The following ANKRD17 variants were observed in gnomAD, a reference collection of about 807,000 sequenced individuals.
ANKRD17 encodes ankyrin repeat domain 17, also known as ankyrin repeat domain-containing protein 17.
Under a neutral mutation model 229.7 loss-of-function variants are expected in ANKRD17, and 19 were observed. That is an observed-to-expected ratio of 0.08 (90% CI 0.06 to 0.12). The LOEUF is 0.12. Among genes scored for constraint, ANKRD17 ranks in the 10% least tolerant of loss-of-function variants. The pLI is 1.00. For synonymous variants in ANKRD17, 1,112 were observed against 1,146.1 expected (o/e 0.97, Z 0.60); for missense variants, 2,176 against 3,176.8 (o/e 0.68, Z 7.57).
At chr4:73,092,377 T>G in intron 28 of ANKRD17, 77 bp from the exon 29 acceptor site, 3 of 1,170,570 alleles carry the variant, frequency 2.6e-6, no homozygotes, top group Admixed American at 5.0e-5. Flanking sequence ...TATGTATTTA[T>G]GTACACAAAC....
intron 2 of ANKRD17, among the ~76,000 whole-genome samples, chr4:73,164,779 G>C (rs1300560343): frequency 1.3e-5 from 2 of 149,712 alleles, no homozygotes; most frequent in African/African-American, 2.5e-5. Flanking sequence ...GCGACAAAAT[G>C]AGACTCTCTC....
rs1479956738 is a variant in ANKRD17, at chr4:73,155,787, A to G, written c.853-9T>C. 3.7e-6 allele frequency: 6 copies of G among 1,611,816 alleles called. No individual in the cohort carries two copies. The highest frequency in any genetic ancestry group is 5.1e-6 in the Non-Finnish European group (6 of 1,178,764). On this transcript the variant is annotated splice_polypyrimidine_tract_variant and intron_variant, in intron 4 of 33. Transcript: ENST00000358602. ...TGCATTGCCAACAAAACCTTATGAG[A>G]GAAAAATAGTTTAAAAAGATATTAG... is the stretch of plus-strand genomic sequence containing the variant.
chr4:73,129,367 G>A (rs1485056420), intron 16 of ANKRD17, among the ~76,000 whole-genome samples: 1 of 152,168 alleles, frequency 6.6e-6, no homozygotes, highest in Admixed American at 6.5e-5. Flanking sequence ...AATACTGAAG[G>A]AAAGACAACT....
chr4:73,230,074 T>C (rs1023915117), intron 1 of ANKRD17, among the ~76,000 whole-genome samples: 2 of 152,072 alleles, frequency 1.3e-5, no homozygotes, highest in South Asian at 2.1e-4. Context: ...AGGTCTAATT[T>C]TGATGATTAC....
chr4:73,081,015 C>T (rs900213826), intron 30 of ANKRD17, among the ~76,000 whole-genome samples: 4 of 152,182 alleles, frequency 2.6e-5, no homozygotes, highest in African/African-American at 9.7e-5. Context: ...TTACTCTCTG[C>T]ACAGATTCTG....
intron 2 of ANKRD17, among the ~76,000 whole-genome samples, chr4:73,166,847 T>G (rs13121051): frequency 6.6e-6 from 1 of 152,130 alleles, no homozygotes; most frequent in Non-Finnish European, 1.5e-5. Flanking sequence ...TGTGTATATA[T>G]TTAAGAAAAA....
intron 1 of ANKRD17, among the ~76,000 whole-genome samples, chr4:73,188,471 G>A (rs1031214955): frequency 6.6e-6 from 1 of 151,942 alleles, no homozygotes; most frequent in Non-Finnish European, 1.5e-5. Context: ...TGTAGTCCCC[G>A]CTACTCAGGA....
At position 73,258,635 on chromosome 4, in the gene ANKRD17, T is replaced by C. The variant is rs1323952971; in HGVS notation, c.34A>G (p.Thr12Ala). 2.0e-6 allele frequency: 3 copies of C among 1,480,310 alleles called. No homozygotes were observed. Among genetic ancestry groups the C allele is most frequent in the Non-Finnish European group, 1.8e-6 (2 of 1,125,214 alleles). The allele number at this position is 1,480,310 out of a possible 1,614,324, so 91.7% of individuals were successfully genotyped here. A position where few individuals can be genotyped will look rare whatever the true frequency, so the allele number is the denominator to read the frequency against. The change falls in exon 1 of 34, where the codon ACG (threonine) becomes GCG (alanine). Residue 12 changes from threonine to alanine, a missense_variant. Around this residue, in one of 18 missense-constraint regions of ANKRD17, gnomAD observed 196 missense variants for 190.0 expected, o/e 1.03. Transcript: ENST00000358602. ...GGGCTCCCTTCTCCTTCTGCAGCCGTCGCCGCCGCCACCGGAACCGTCGCC... is the reference window on the plus strand; with the variant it reads ...GGGCTCCCTTCTCCTTCTGCAGCCGCCGCCGCCGCCACCGGAACCGTCGCC... ...EKATVPVAAA[T>A]AAEGEGSPPA...
intron 1 of ANKRD17, among the ~76,000 whole-genome samples, chr4:73,180,958 T>A (rs1281820486): frequency 6.6e-6 from 1 of 152,210 alleles, no homozygotes; most frequent in Non-Finnish European, 1.5e-5. Flanking sequence ...TTTAGTCATG[T>A]ACACCCAGCA....
intron 5 of ANKRD17, among the ~76,000 whole-genome samples, chr4:73,155,313 T>C (rs1021647209): frequency 6.6e-6 from 1 of 152,124 alleles, no homozygotes; most frequent in African/African-American, 2.4e-5. Flanking sequence ...ATTCCTCTCC[T>C]AAAAAACTGG....
intron 28 of ANKRD17, among the ~76,000 whole-genome samples, chr4:73,093,376 C>CTTTTTT (rs11368928): frequency 1.2e-4 from 13 of 112,830 alleles, no homozygotes; most frequent in African/African-American, 3.5e-4. Context: ...AACTCAAATT[C>CTTTTTT]TTTTTTTTTT....
chr4:73,091,148 A>C lies in ANKRD17; in HGVS notation c.6480T>G (p.Pro2160=). The change falls in exon 29 of 34, where the codon CCT becomes CCG. Residue 2160 remains proline, a synonymous_variant. Transcript: ENST00000358602. ...PSTAPVTYPM[P]QTPMGCPQPT... is the part of the protein sequence containing the mutation. Reference sequence around the variant, plus strand: ...GCTGGGGGCATCCCATTGGTGTCTGAGGCATAGGGTAAGTCACTGGGGCAG... The same window carrying C: ...GCTGGGGGCATCCCATTGGTGTCTGCGGCATAGGGTAAGTCACTGGGGCAG... 6.2e-7 allele frequency: 1 copy of C among 1,614,158 alleles called. No homozygotes were observed. Among genetic ancestry groups the C allele is most frequent in the Non-Finnish European group, 8.5e-7 (1 of 1,180,032 alleles).
chr4:73,170,572 C>T (rs1168436945), intron 2 of ANKRD17, among the ~76,000 whole-genome samples: 5 of 151,922 alleles, frequency 3.3e-5, no homozygotes, highest in African/African-American at 4.8e-5. Flanking sequence ...AGTGGACTCT[C>T]GGGGTCTCCT....
At chr4:73,152,454 C>T (rs1441163923) in intron 6 of ANKRD17, among the ~76,000 whole-genome samples, 1 of 152,040 alleles carries the variant, frequency 6.6e-6, no homozygotes, top group African/African-American at 2.4e-5. Context: ...TCCTCCTTGT[C>T]AGTCTATATC....
At chr4:73,250,229 C>A (rs1183066650) in intron 1 of ANKRD17, among the ~76,000 whole-genome samples, 1 of 151,930 alleles carries the variant, frequency 6.6e-6, no homozygotes, top group Non-Finnish European at 1.5e-5. Context: ...CAATTTATTC[C>A]CAATAATCTT....
chr4:73,258,798 T>G lies in ANKRD17; in HGVS notation c.-130A>C, dbSNP rs983449719. 6 of 1,139,252 alleles carry G rather than the reference T, an allele frequency of 5.3e-6. No homozygotes were observed. Among genetic ancestry groups the G allele is most frequent in the Non-Finnish European group, 6.5e-6 (6 of 928,266 alleles). The allele number at this position is 1,139,252 out of a possible 1,614,324, so 70.6% of individuals were successfully genotyped here. On this transcript the variant is annotated 5_prime_UTR_variant, in exon 1 of 34. Transcript: ENST00000358602. ...CCGCCACCGCCTCGGTCACCTCTAC[T>G]GCCGCCGCCGCCGCCGCCGCTCCGC...
chr4:73,093,491 C>T lies in ANKRD17; in HGVS notation c.5327+588G>A, dbSNP rs191873322. Among the ~76,000 whole-genome samples the T allele has an allele frequency of 4.9e-3, 741 of 151,086 alleles. 8 individuals are homozygous for T. Among genetic ancestry groups the T allele is most frequent in the African/African-American group, 0.017 (692 of 41,090 alleles). ...CTCCCAGGTTCAAGCAATTCTCCTGCCTCAGCCTCCCGAGTAGCTGAGATT... is the reference window on the plus strand; with the variant it reads ...CTCCCAGGTTCAAGCAATTCTCCTGTCTCAGCCTCCCGAGTAGCTGAGATT... On this transcript the variant is annotated intron_variant, in intron 28 of 33. Transcript: ENST00000358602.
chr4:73,172,897 AG>A (rs1734227293), intron 2 of ANKRD17, among the ~76,000 whole-genome samples: 1 of 152,234 alleles, frequency 6.6e-6, no homozygotes, highest in Non-Finnish European at 1.5e-5. Flanking sequence ...GAAAGAAGGA[AG>A]TTAACAATAC....
At chr4:73,095,199 C>T (rs1723167070) in intron 27 of ANKRD17, among the ~76,000 whole-genome samples, 1 of 152,008 alleles carries the variant, frequency 6.6e-6, no homozygotes, top group Admixed American at 6.6e-5. Flanking sequence ...ATATTCATTA[C>T]TTCCCTGTAT....
Sources: gnomAD v4.1 joint callset for allele counts (sites outside exome capture counted in the v4.1 genomes callset) on GRCh38, gnomAD v4.1.1 for gene constraint, gnomAD v4.1.1 regional missense constraint, MANE v1.5 for transcripts, NCBI Gene and HGNC (gene_info 2026-07-23, HGNC 2026-07-21) for gene names.